Variants in RNF4 observed in about 807,000 individuals in gnomAD.
RNF4 encodes the protein E3 ubiquitin-protein ligase RNF4.
Under a neutral mutation model 24.3 loss-of-function variants are expected in RNF4, and 7 were observed. The ratio of observed to expected loss-of-function variants is 0.29; its 90% CI spans 0.16 to 0.54. The LOEUF is 0.54. Ranked by LOEUF, RNF4 falls within the 20% of genes least tolerant of loss-of-function variation. The probability of loss-of-function intolerance (pLI) is 0.95; values close to 1 mark genes in which losing one functional copy is unlikely to be tolerated. For missense variants in RNF4, 209 were observed against 248.5 expected, an observed-to-expected ratio of 0.84 and a Z score of 1.07; for synonymous variants, 83 against 84.3, an observed-to-expected ratio of 0.98 and a Z score of 0.09.
intron 2 of RNF4, among the ~76,000 whole-genome samples, chr4:2,491,562 C>T (rs1473848951): frequency 6.6e-6 from 1 of 152,164 alleles, no homozygotes; most frequent in African/African-American, 2.4e-5. Flanking sequence ...CCTGCCTCAG[C>T]CTCCGGAGTA....
rs771890474 is a variant in RNF4, at chr4:2,514,202, G to C, written c.*383G>C. The C allele has an allele frequency of 4.3e-6, 1 of 230,888 alleles. No individual in the cohort carries two copies. The highest frequency in any genetic ancestry group is 6.7e-5 in the South Asian group (1 of 14,876). 14.3% of individuals were successfully genotyped at this position (230,888 alleles called of 1,614,324 possible). A position where few individuals can be genotyped will look rare whatever the true frequency, so the allele number is the denominator to read the frequency against. On this transcript the variant is annotated 3_prime_UTR_variant, in exon 8 of 8. Transcript: ENST00000314289. ...CTTTTGTCCCAAGTGTCTGCCGGTC[G>C]ACCAATCTGCCTGCCACACATTGAC...
In RNF4 at chr4:2,512,609, C is replaced by T; in HGVS notation, c.374+12C>T. The T allele has an allele frequency of 6.2e-7, 1 of 1,612,596 alleles. No individual in the cohort carries two copies. ...GCTACAGGCCTCAGGTACCAACGTG[C>T]CCCCAGCTCTGCTGCCGCCATGCTA... On this transcript the variant is annotated intron_variant, in intron 6 of 7. Coordinates refer to ENST00000314289, the MANE Select transcript of RNF4 (RefSeq NM_002938.5). The surrounding 1 kb of genome is among the most constrained non-coding windows in gnomAD (Gnocchi z 4.1).
At chr4:2,478,504 G>C (rs780418394) in intron 1 of RNF4, among the ~76,000 whole-genome samples, 6 of 152,220 alleles carry the variant, frequency 3.9e-5, no homozygotes, top group Non-Finnish European at 8.8e-5. Context: ...GGGTTCCCCT[G>C]CTGTGTGCAG....
chr4:2,498,186 G>T (rs1045339992), intron 3 of RNF4, among the ~76,000 whole-genome samples: 1 of 151,972 alleles, frequency 6.6e-6, no homozygotes, highest in African/African-American at 2.4e-5. Context: ...GCACTGTTTT[G>T]TTTTTGTTTC....
At chr4:2,482,699 G>C (rs1200049217) in intron 1 of RNF4, among the ~76,000 whole-genome samples, 1 of 152,130 alleles carries the variant, frequency 6.6e-6, no homozygotes, top group Non-Finnish European at 1.5e-5. Flanking sequence ...CTGGTTACTT[G>C]GCATCTGAAC....
intron 4 of RNF4, among the ~76,000 whole-genome samples, chr4:2,510,660 C>A (rs2108778958): frequency 6.6e-6 from 1 of 152,342 alleles, no homozygotes; most frequent in South Asian, 2.1e-4. Context: ...AGCTTCTTGT[C>A]ACTGTAGGGC....
chr4:2,478,106 G>T (rs188831270), intron 1 of RNF4, among the ~76,000 whole-genome samples: 62 of 152,284 alleles, frequency 4.1e-4, no homozygotes, highest in African/African-American at 1.4e-3. Context: ...GAGACTAGCC[G>T]CATTTTGCCC....
At position 2,497,400 on chromosome 4, in the gene RNF4, A is replaced by G. The variant is rs774075882; in HGVS notation, c.124+279A>G. 3.5e-4 allele frequency: 84 copies of G among 241,490 alleles called. 1 individual carries two copies. Among genetic ancestry groups the G allele is most frequent in the Non-Finnish European group, 2.5e-4 (31 of 123,820 alleles). 15.0% of individuals were successfully genotyped at this position (241,490 alleles called of 1,614,324 possible). Reference sequence around the variant, plus strand: ...TTTTCTATCTGAAACTGCATCCCCAATTGCTGGACCTTGTAAAGTACTTCG... The same window carrying G: ...TTTTCTATCTGAAACTGCATCCCCAGTTGCTGGACCTTGTAAAGTACTTCG... On this transcript the variant is annotated intron_variant, in intron 3 of 7. Coordinates refer to ENST00000314289, the MANE Select transcript of RNF4 (RefSeq NM_002938.5).
In RNF4 at chr4:2,513,125, C is replaced by T; in HGVS notation, c.417C>T (p.Tyr139=). 1 of 1,613,710 alleles carries T rather than the reference C, an allele frequency of 6.2e-7. No homozygotes were observed. The highest frequency in any genetic ancestry group is 8.5e-7 in the Non-Finnish European group (1 of 1,179,664). Residue 139 remains tyrosine (Y), a synonymous_variant, in exon 7 of 8, where the codon TAC becomes TAT. Coordinates refer to ENST00000314289, the MANE Select transcript of RNF4 (RefSeq NM_002938.5). ...TVSCPICMDG[Y]SEIVQNGRLI... ...GTTGTCCCATCTGCATGGACGGATA[C>T]TCAGAGGTAAGTAAACCAAGCTGTA...
At chr4:2,497,285 C>T (rs1735767490) in intron 3 of RNF4, 164 bp downstream of exon 3, 3 of 542,142 alleles carry the variant, frequency 5.5e-6, no homozygotes, top group South Asian at 2.5e-5. Context: ...AATAGCTTCT[C>T]AACTGGGCTA....
At chr4:2,499,012 C>T (rs906358781) in intron 3 of RNF4, among the ~76,000 whole-genome samples, 1 of 152,190 alleles carries the variant, frequency 6.6e-6, no homozygotes, top group Non-Finnish European at 1.5e-5. Flanking sequence ...GCCTGGCCAA[C>T]ATGGCGAAAC....
At chr4:2,510,794 C>T (rs987639637) in intron 4 of RNF4, among the ~76,000 whole-genome samples, 14 of 152,160 alleles carry the variant, frequency 9.2e-5, no homozygotes, top group Non-Finnish European at 2.9e-5. Context: ...ACTGGCCCCC[C>T]TAGATGGGTA....
At chr4:2,476,463 C>T (rs1233151147) in intron 1 of RNF4, among the ~76,000 whole-genome samples, 1 of 152,154 alleles carries the variant, frequency 6.6e-6, no homozygotes, top group African/African-American at 2.4e-5. Flanking sequence ...GGCACGATCT[C>T]AGCACTGCAA....
intron 1 of RNF4, among the ~76,000 whole-genome samples, chr4:2,478,154 G>A (rs936232488): frequency 2.6e-5 from 4 of 152,202 alleles, no homozygotes; most frequent in African/African-American, 4.8e-5. Flanking sequence ...ACTTGAGAAA[G>A]ATGATTTAGG....
intron 1 of RNF4, among the ~76,000 whole-genome samples, chr4:2,471,862 C>G (rs1452442866): frequency 6.6e-6 from 1 of 152,164 alleles, no homozygotes; most frequent in Non-Finnish European, 1.5e-5. Flanking sequence ...GAGGTTAGTT[C>G]ATGAGGTTTA....
intron 2 of RNF4, among the ~76,000 whole-genome samples, chr4:2,495,757 C>T (rs962467407): frequency 2.0e-5 from 3 of 152,058 alleles, no homozygotes; most frequent in East Asian, 1.9e-4. Flanking sequence ...CTCAGCCTCC[C>T]GAGTAGCTGG....
chr4:2,473,936 G>T (rs1465168441), intron 1 of RNF4, among the ~76,000 whole-genome samples: 1 of 152,154 alleles, frequency 6.6e-6, no homozygotes, highest in Non-Finnish European at 1.5e-5. Context: ...GCTGAGCGTG[G>T]TAGTGGGATT....
chr4:2,498,413 C>T (rs993299116), intron 3 of RNF4, among the ~76,000 whole-genome samples: 2 of 152,034 alleles, frequency 1.3e-5, no homozygotes, highest in South Asian at 4.1e-4. Context: ...ATCTCGAACT[C>T]CTGACCTCAG....
intron 4 of RNF4, among the ~76,000 whole-genome samples, chr4:2,501,099 A>G (rs1238251309): frequency 6.6e-6 from 1 of 152,222 alleles, no homozygotes; most frequent in Admixed American, 6.5e-5. Flanking sequence ...CTGATTCCAC[A>G]GTTTACACCA....
Sources: allele counts gnomAD v4.1 joint callset (sites outside exome capture counted in the v4.1 genomes callset), GRCh38; gene constraint gnomAD v4.1.1; non-coding constraint Gnocchi (gnomAD v3.1); transcripts MANE v1.5; gene names NCBI Gene and HGNC (gene_info 2026-07-23, HGNC 2026-07-21).